VTI1A: variants seen among roughly 807,000 people sequenced by gnomAD.
VTI1A encodes the protein vesicle transport through interaction with t-SNAREs 1A.
In VTI1A, 22 loss-of-function variants were observed where a neutral mutation model predicts 34.9. The ratio of observed to expected loss-of-function variants is 0.63; its 90% confidence interval spans 0.45 to 0.90. The LOEUF is 0.90. Among genes scored for constraint, VTI1A ranks in the 40% least tolerant of loss-of-function variants. The pLI, the probability that VTI1A is intolerant of heterozygous loss-of-function variation, is 0.00. For missense variants in VTI1A, 268 were observed against 275.6 expected (o/e 0.97, Z 0.20); for synonymous variants, 87 against 97.3 (o/e 0.89, Z 0.62).
At chr10:112,610,261 A>T (rs1017935317) in intron 5 of VTI1A, among the ~76,000 whole-genome samples, 1 of 151,782 alleles carries the variant, frequency 6.6e-6, no homozygotes, top group Admixed American at 6.6e-5. Flanking sequence ...GGGTGGCCCC[A>T]GGAGTGTCTG....
At chr10:112,546,347 G>A (rs1851127550) in intron 5 of VTI1A, among the ~76,000 whole-genome samples, 1 of 152,026 alleles carries the variant, frequency 6.6e-6, no homozygotes, top group African/African-American at 2.4e-5. Flanking sequence ...TGGGAAGACT[G>A]CTTGAAGTCA....
rs549470358 is a variant in VTI1A at position 112,590,871 on chromosome 10, C to G, written c.427+52541C>G. On this transcript the variant is annotated intron_variant, in intron 5 of 7. Transcript: ENST00000393077. The stretch of plus-strand genomic sequence containing the variant: ...ATCCCAGCACTTTGGAAGGCCAAGG[C>G]GGGCAGATTACTTGAGGCCAGGAGT... Among the ~76,000 whole-genome samples the G allele has an allele frequency of 3.9e-5, 6 of 152,016 alleles. No homozygotes were observed. The East Asian group carries it at 1.2e-3, about 30-fold the overall frequency.
rs1256324842 is a variant in VTI1A at position 112,814,375 on chromosome 10, C to A, written c.561-915C>A. On this transcript the variant is annotated intron_variant, in intron 7 of 7. Coordinates refer to ENST00000393077, the MANE Select transcript of VTI1A (RefSeq NM_145206.4). The stretch of plus-strand genomic sequence containing the variant: ...GCCAGCTCATGTCTCTATTTCCGTG[C>A]AGCTCTGTGAGAGCGAGCGTGGGCA... Among the ~76,000 whole-genome samples, 6 of 152,178 alleles carry A rather than the reference C, an allele frequency of 3.9e-5. No individual in the cohort carries two copies. The East Asian group carries it at 1.2e-3, about 29-fold the overall frequency.
intron 7 of VTI1A, among the ~76,000 whole-genome samples, chr10:112,681,712 C>T (rs1482086296): frequency 6.6e-6 from 1 of 152,022 alleles, no homozygotes; most frequent in East Asian, 1.9e-4. Context: ...TACATATTTA[C>T]AAAACTTTAC....
chr10:112,854,780 TAAG>T, the VTI1A span, among the ~76,000 whole-genome samples: 3 of 152,138 alleles, frequency 2.0e-5, no homozygotes, highest in Admixed American at 6.5e-5. Context: ...CGGGAAGCGA[TAAG>T]AAGGAGATTC....
At chr10:112,588,686 T>C (rs758729800) in intron 5 of VTI1A, among the ~76,000 whole-genome samples, 1 of 152,204 alleles carries the variant, frequency 6.6e-6, no homozygotes, top group African/African-American at 2.4e-5. Flanking sequence ...CAGTAATGCA[T>C]GAAAGGTCAT....
intron 5 of VTI1A, among the ~76,000 whole-genome samples, chr10:112,628,243 A>G (rs1039953756): frequency 2.0e-5 from 3 of 152,034 alleles, no homozygotes; most frequent in Non-Finnish European, 2.9e-5. Flanking sequence ...TTTTTTGTTT[A>G]TATTTTATAT....
At chr10:112,748,882 G>C (rs1483263385) in intron 7 of VTI1A, among the ~76,000 whole-genome samples, 1 of 152,014 alleles carries the variant, frequency 6.6e-6, no homozygotes, top group African/African-American at 2.4e-5. Flanking sequence ...ACCCGCCTCA[G>C]CCTCCCAAAG....
intron 7 of VTI1A, chr10:112,737,773 C>CAA: frequency 3.4e-6 from 3 of 882,106 alleles, no homozygotes; most frequent in African/African-American, 1.8e-5. Flanking sequence ...TTCTGGAGAT[C>CAA]AAAAAAAAAA....
At position 112,488,355 on chromosome 10, in the gene VTI1A, T is replaced by C. The variant is rs9664770; in HGVS notation, c.264+23698T>C. On this transcript the variant is annotated intron_variant, in intron 3 of 7. Transcript: ENST00000393077. ...ATCTAATATTCTAGAAAAATTGAAA[T>C]AATTGTCCAACTAGCTATTCTCTGT... Among the ~76,000 whole-genome samples, 1,097 of 152,312 alleles carry C rather than the reference T, an allele frequency of 7.2e-3. 12 individuals carry two copies. Among genetic ancestry groups the C allele is most frequent in the African/African-American group, 0.025 (1,037 of 41,580 alleles).
intron 7 of VTI1A, among the ~76,000 whole-genome samples, chr10:112,747,875 T>A (rs1850954530): frequency 1.3e-5 from 2 of 152,172 alleles, no homozygotes; most frequent in South Asian, 4.1e-4. Flanking sequence ...TTTTGAAGTT[T>A]CCAGGGTTGG....
intron 7 of VTI1A, among the ~76,000 whole-genome samples, chr10:112,747,731 G>A (rs1850948900): frequency 6.6e-6 from 1 of 152,140 alleles, no homozygotes; most frequent in Admixed American, 6.5e-5. Context: ...TGTAGAAGGA[G>A]GCCCTCAAAG....
rs1853552760 is a variant in VTI1A at position 112,817,315 on chromosome 10, T to TAGCA, written c.*1939_*1942dup. On this transcript the variant is annotated 3_prime_UTR_variant, in exon 8 of 8. Transcript: ENST00000393077. Reference sequence around the variant, plus strand: ...GCAGCAGACTCTTCCCAAGGCCACCTAGCAAGCAAGGTTGATCGGATCATC... The same window carrying TAGCA: ...GCAGCAGACTCTTCCCAAGGCCACCTAGCAAGCAAGCAAGGTTGATCGGATCATC... 4.3e-6 allele frequency: 1 copy of TAGCA among 232,354 alleles called. No homozygotes were observed. The highest frequency in any genetic ancestry group is 8.5e-6 in the Non-Finnish European group (1 of 117,512). The allele number at this position is 232,354 out of a possible 1,614,324, so 14.4% of individuals were successfully genotyped here. A position where few individuals can be genotyped will look rare whatever the true frequency, so the allele number is the denominator to read the frequency against.
chr10:112,678,297 C>G (rs887666407), intron 7 of VTI1A, among the ~76,000 whole-genome samples: 13 of 152,172 alleles, frequency 8.5e-5, no homozygotes, highest in African/African-American at 3.1e-4. Flanking sequence ...CATTTTCCGT[C>G]AATGCCTTCT....
Position 112,447,241 on chromosome 10 carries a change from G to A in VTI1A, c.-133G>A, listed in dbSNP as rs1000033978. The A allele has an allele frequency of 6.6e-6, 6 of 910,994 alleles. No individual in the cohort carries two copies. Among genetic ancestry groups the A allele is most frequent in the African/African-American group, 3.3e-5 (2 of 60,336 alleles). 56.4% of individuals were successfully genotyped at this position (910,994 alleles called of 1,614,324 possible). A position where few individuals can be genotyped will look rare whatever the true frequency, so the allele number is the denominator to read the frequency against. ...AACAACCAGGAAGCGGCTGGGTTGAGAGCTGTCCCCGGTTCTCCGTTCTGC... is the reference window on the plus strand; with the variant it reads ...AACAACCAGGAAGCGGCTGGGTTGAAAGCTGTCCCCGGTTCTCCGTTCTGC... On this transcript the variant is annotated 5_prime_UTR_variant, in exon 1 of 8. Coordinates refer to ENST00000393077, the MANE Select transcript of VTI1A (RefSeq NM_145206.4).
chr10:112,773,064 C>T (rs1226359424), intron 7 of VTI1A, among the ~76,000 whole-genome samples: 1 of 152,150 alleles, frequency 6.6e-6, no homozygotes, highest in African/African-American at 2.4e-5. Flanking sequence ...AATTTATATA[C>T]GTCTCTTACC....
intron 5 of VTI1A, among the ~76,000 whole-genome samples, chr10:112,656,747 C>T (rs888534316): frequency 2.0e-5 from 3 of 151,964 alleles, no homozygotes; most frequent in African/African-American, 7.3e-5. Context: ...CTCATGATTT[C>T]CTGCGGGATA....
chr10:112,630,897 G>A (rs779354783), intron 5 of VTI1A, among the ~76,000 whole-genome samples: 7 of 152,110 alleles, frequency 4.6e-5, no homozygotes, highest in Non-Finnish European at 7.4e-5. Flanking sequence ...TGAGGGGGGC[G>A]GATCACCTGA....
At chr10:112,612,383 C>G (rs1359475880) in intron 5 of VTI1A, among the ~76,000 whole-genome samples, 1 of 152,094 alleles carries the variant, frequency 6.6e-6, no homozygotes, top group Non-Finnish European at 1.5e-5. Context: ...ACTAGTCATA[C>G]TATAATAAAA....
Sources: gnomAD v4.1 joint callset for allele counts (sites outside exome capture counted in the v4.1 genomes callset) on GRCh38, gnomAD v4.1.1 for gene constraint, MANE v1.5 for transcripts, NCBI Gene and HGNC (gene_info 2026-07-23, HGNC 2026-07-21) for gene names.